Variants in CSMD1 observed in about 807,000 individuals in gnomAD.
The protein encoded by CSMD1 is CUB and Sushi multiple domains 1.
Under a neutral mutation model 417.5 loss-of-function variants are expected in CSMD1, and 213 were observed. The observed-to-expected ratio is 0.51, with a 90% CI of 0.46 to 0.57. CSMD1 has a LOEUF of 0.57. Ranked by LOEUF, CSMD1 falls within the 20% of genes least tolerant of loss-of-function variation. The probability of loss-of-function intolerance (pLI) is 0.00; values close to 1 mark genes in which losing one functional copy is unlikely to be tolerated. For synonymous variants in CSMD1, 2,862 were observed against 1,736.8 expected (o/e 1.65, Z -16.11); for missense variants, 6,923 against 4,529.7 (o/e 1.53, Z -15.17).
Position 3,308,308 on chromosome 8 carries a change from T to G in CSMD1, c.3823+4A>C. The G allele has an allele frequency of 1.3e-6, 2 of 1,596,946 alleles. No homozygotes were observed. Among genetic ancestry groups the G allele is most frequent in the Non-Finnish European group, 1.7e-6 (2 of 1,166,804 alleles). The stretch of plus-strand genomic sequence containing the variant: ...CACAATGGTATGACTGCTTCCACAC[T>G]CACCTATGCACGAAGGTAGTGGTTT... On this transcript the variant is annotated splice_donor_region_variant and intron_variant, in intron 24 of 69. Coordinates refer to ENST00000635120, the MANE Select transcript of CSMD1 (RefSeq NM_033225.6).
At chr8:4,252,464 C>T (rs567479239) in intron 3 of CSMD1, among the ~76,000 whole-genome samples, 7 of 152,326 alleles carry the variant, frequency 4.6e-5, no homozygotes, top group South Asian at 2.1e-4. Flanking sequence ...ACTTGAGTTA[C>T]ACTCTAATAC....
intron 5 of CSMD1, among the ~76,000 whole-genome samples, chr8:3,879,775 C>T (rs184467031): frequency 2.6e-5 from 4 of 152,192 alleles, no homozygotes; most frequent in Non-Finnish European, 4.4e-5. Flanking sequence ...ACTAACATTG[C>T]TTTCAGCTTC....
intron 1 of CSMD1, among the ~76,000 whole-genome samples, chr8:4,833,594 G>T (rs972799769): frequency 2.6e-5 from 4 of 152,182 alleles, no homozygotes; most frequent in Non-Finnish European, 1.5e-5. Flanking sequence ...TGGAGCACAC[G>T]ATTTTTGAAA....
chr8:3,724,681 T>A (rs1326672917), intron 6 of CSMD1, among the ~76,000 whole-genome samples: 1 of 152,106 alleles, frequency 6.6e-6, no homozygotes, highest in African/African-American at 2.4e-5. Flanking sequence ...AGGGAGTCCA[T>A]GAAATTAAAT....
chr8:4,882,453 T>G (rs1372920525), intron 1 of CSMD1, among the ~76,000 whole-genome samples: 3 of 151,310 alleles, frequency 2.0e-5, no homozygotes, highest in East Asian at 2.0e-4. Flanking sequence ...TGAAGAGTAT[T>G]GGGGGGCGAG....
intron 10 of CSMD1, among the ~76,000 whole-genome samples, chr8:3,570,804 G>A (rs534444752): frequency 2.1e-4 from 32 of 152,264 alleles, no homozygotes; most frequent in African/African-American, 7.5e-4. Flanking sequence ...TTCTCACAGT[G>A]CAATGGGACG....
intron 2 of CSMD1, among the ~76,000 whole-genome samples, chr8:4,442,754 T>A (rs1798557475): frequency 6.6e-6 from 1 of 152,212 alleles, no homozygotes; most frequent in Admixed American, 6.5e-5. Context: ...TATGTTTGCA[T>A]ATAATCCAAA....
At chr8:3,529,296 T>A (rs1187378475) in intron 10 of CSMD1, among the ~76,000 whole-genome samples, 1 of 152,192 alleles carries the variant, frequency 6.6e-6, no homozygotes, top group African/African-American at 2.4e-5. Context: ...ATTTGAAGAA[T>A]GCAAAATAAG....
chr8:4,787,995 C>G, intron 1 of CSMD1: 2 of 1,592,240 alleles, frequency 1.3e-6, no homozygotes, highest in South Asian at 2.3e-5. Flanking sequence ...GAAAGACAAA[C>G]AGTGTTATCG....
Position 3,626,501 on chromosome 8 carries a change from T to C in CSMD1, c.1010-9704A>G, listed in dbSNP as rs148962361. Among the ~76,000 whole-genome samples, 499 of 152,198 alleles carry C rather than the reference T, an allele frequency of 3.3e-3. 1 individual carries two copies. The highest frequency in any genetic ancestry group is 0.01 in the Middle Eastern group (3 of 294). On this transcript the variant is annotated intron_variant, in intron 7 of 69. Transcript: ENST00000635120. ...TCGTTATATATTTTAGAAACATATA[T>C]AGTTATAGTTAAACATAATGTATTT...
At chr8:3,219,200 T>C in intron 29 of CSMD1, 55 bp downstream of exon 29, 2 of 1,427,734 alleles carry the variant, frequency 1.4e-6, no homozygotes, top group Non-Finnish European at 1.9e-6. Context: ...ATGCCTACAA[T>C]AAAAACAGTC....
chr8:3,571,321 A>G (rs1563164241), intron 10 of CSMD1, among the ~76,000 whole-genome samples: 1 of 152,128 alleles, frequency 6.6e-6, no homozygotes, highest in African/African-American at 2.4e-5. Flanking sequence ...GCACCTTGCT[A>G]TCTCTGTGCC....
intron 2 of CSMD1, among the ~76,000 whole-genome samples, chr8:4,422,007 T>C (rs557068354): frequency 6.6e-6 from 1 of 152,132 alleles, no homozygotes; most frequent in East Asian, 1.9e-4. Context: ...ATAATAAAAG[T>C]TACTACAGAA....
intron 1 of CSMD1, among the ~76,000 whole-genome samples, chr8:4,841,911 C>CAAACAAAACAAAAAAAAAA (rs779855887): frequency 1.1e-4 from 4 of 34,850 alleles, no homozygotes; most frequent in African/African-American, 5.2e-4. Flanking sequence ...AACTCCGTCT[C>CAAACAAAACAAAAAAAAAA]AAAAAAAAAA....
chr8:3,352,159 A>G (rs1432681334), intron 21 of CSMD1, among the ~76,000 whole-genome samples: 1 of 152,132 alleles, frequency 6.6e-6, no homozygotes, highest in Non-Finnish European at 1.5e-5. Context: ...ATGGGTGGGG[A>G]AGGAATGCCA....
chr8:3,573,397 T>C (rs1800021620), intron 10 of CSMD1, among the ~76,000 whole-genome samples: 1 of 152,216 alleles, frequency 6.6e-6, no homozygotes, highest in African/African-American at 2.4e-5. Context: ...CTGTAGTTGA[T>C]GTCCCAGGGT....
chr8:3,110,417 C>T, intron 42 of CSMD1, 82 bp from the exon 43 acceptor site: 2 of 1,180,400 alleles, frequency 1.7e-6, no homozygotes, highest in Non-Finnish European at 2.3e-6. Context: ...TCCAAAGTAC[C>T]TTAGCCAACA....
chr8:3,336,887 G>T (rs1807299881), intron 23 of CSMD1, among the ~76,000 whole-genome samples: 1 of 152,092 alleles, frequency 6.6e-6, no homozygotes, highest in East Asian at 1.9e-4. Flanking sequence ...TCAGATCCTA[G>T]TCCAACAAGC....
chr8:4,462,283 A>G (rs1197695223), intron 2 of CSMD1, among the ~76,000 whole-genome samples: 1 of 152,222 alleles, frequency 6.6e-6, no homozygotes, highest in South Asian at 2.1e-4. Context: ...AATTAGGAAT[A>G]AATTTAACAA....
Sources: allele counts gnomAD v4.1 joint callset (sites outside exome capture counted in the v4.1 genomes callset), GRCh38; gene constraint gnomAD v4.1.1; transcripts MANE v1.5; gene names NCBI Gene and HGNC (gene_info 2026-07-23, HGNC 2026-07-21).